GALNT17: variants seen among roughly 807,000 people sequenced by gnomAD.
The protein encoded by GALNT17 is UDP-GalNAc:polypeptide N-acetylgalactosaminyltransferase-like 3.
A neutral mutation model predicts 63.7 loss-of-function variants in GALNT17; 29 were observed. The ratio of observed to expected loss-of-function variants is 0.46; its 90% confidence interval spans 0.34 to 0.62. The LOEUF (loss-of-function observed/expected upper bound fraction) is 0.62. Ranked by LOEUF, GALNT17 falls within the 20% of genes least tolerant of loss-of-function variation. The pLI is 0.01. For missense variants in GALNT17, 603 were observed against 799.6 expected, an observed-to-expected ratio of 0.75 and a Z score of 2.97; for synonymous variants, 305 against 318.3, an observed-to-expected ratio of 0.96 and a Z score of 0.45.
Position 71,335,665 on chromosome 7 carries a change from T to C in GALNT17, c.354T>C (p.Tyr118=). ...EEKAKGPHEK[Y]GYNSYLSEKI... is the part of the protein sequence containing the mutation. ...AGGCTAAGGGACCCCATGAGAAGTA[T>C]GGCTACAATTCATACCTCAGTGAAA... Residue 118 remains tyrosine (Y), a synonymous_variant, in exon 2 of 11, where the codon TAT becomes TAC. Coordinates refer to ENST00000333538, the MANE Select transcript of GALNT17 (RefSeq NM_022479.3). 6.2e-7 allele frequency: 1 copy of C among 1,613,718 alleles called. No homozygotes were observed. Among genetic ancestry groups the C allele is most frequent in the Non-Finnish European group, 8.5e-7 (1 of 1,179,816 alleles).
intron 1 of GALNT17, among the ~76,000 whole-genome samples, chr7:71,290,101 C>T (rs1005208877): frequency 1.3e-5 from 2 of 152,128 alleles, no homozygotes; most frequent in African/African-American, 4.8e-5. Flanking sequence ...TTGAAGTGTA[C>T]GATTCTGTGG....
At chr7:71,298,388 A>AGG (rs1791122850) in intron 1 of GALNT17, among the ~76,000 whole-genome samples, 2 of 107,398 alleles carry the variant, frequency 1.9e-5, no homozygotes, top group South Asian at 6.0e-4. Flanking sequence ...AAACAATCAG[A>AGG]ACAGAAAATA....
In GALNT17 at chr7:71,527,224, G is replaced by T. The variant is rs139431919; in HGVS notation, c.963-44061G>T. On this transcript the variant is annotated intron_variant, in intron 5 of 10. Coordinates refer to ENST00000333538, the MANE Select transcript of GALNT17 (RefSeq NM_022479.3). ...ACCCATAAAATAATAAAAGAGAAAG[G>T]TCTACAGATAGTTCAGCATGATATA... Among the ~76,000 whole-genome samples the T allele has an allele frequency of 6.8e-3, 1,030 of 152,204 alleles. 11 individuals carry two copies. The highest frequency in any genetic ancestry group is 0.023 in the African/African-American group (946 of 41,524).
rs756739094 is a variant in GALNT17 at position 71,388,278 on chromosome 7, A to G, written c.466A>G (p.Ile156Val). ...CTCCAAGGACCTGCCCCAGATATCC[A>G]TCATATTCATCTTCGTGAACGAGGC... is the stretch of plus-strand genomic sequence containing the variant. ...KYSKDLPQIS[I>V]IFIFVNEALS... Residue 156 changes from isoleucine (I) to valine (V), a missense_variant, in exon 3 of 11, where the codon ATC (isoleucine) becomes GTC (valine). Ile to Val is a conservative substitution (Grantham distance 29). Around this residue, in one of 3 missense-constraint regions of GALNT17, gnomAD observed 195 missense variants for 215.0 expected, o/e 0.91. Coordinates refer to ENST00000333538, the MANE Select transcript of GALNT17 (RefSeq NM_022479.3). 8 of 1,613,974 alleles carry G rather than the reference A, an allele frequency of 5.0e-6. No homozygotes were observed. The East Asian group carries it at 6.7e-5, about 13-fold the overall frequency.
intron 1 of GALNT17, among the ~76,000 whole-genome samples, chr7:71,334,567 A>G (rs748439339): frequency 6.6e-5 from 10 of 152,214 alleles, no homozygotes; most frequent in Non-Finnish European, 1.2e-4. Context: ...TAGTTAAGTA[A>G]TAAAACCTCC....
chr7:71,330,793 C>T (rs1791794389), intron 1 of GALNT17, among the ~76,000 whole-genome samples: 1 of 152,152 alleles, frequency 6.6e-6, no homozygotes, highest in African/African-American at 2.4e-5. Context: ...AGAGGCCGTG[C>T]ATATAGAGCA....
At chr7:71,591,761 C>A (rs972150358) in intron 6 of GALNT17, among the ~76,000 whole-genome samples, 1 of 152,068 alleles carries the variant, frequency 6.6e-6, no homozygotes, top group African/African-American at 2.4e-5. Context: ...CTCCCAGATT[C>A]CAGCGATTCT....
At chr7:71,607,442 A>T (rs1366422216) in intron 6 of GALNT17, among the ~76,000 whole-genome samples, 2 of 152,246 alleles carry the variant, frequency 1.3e-5, no homozygotes, top group Non-Finnish European at 1.5e-5. Context: ...CTTGAAACAC[A>T]TAGAAAAGTT....
At chr7:71,339,404 G>A (rs1328771539) in intron 2 of GALNT17, among the ~76,000 whole-genome samples, 1 of 152,154 alleles carries the variant, frequency 6.6e-6, no homozygotes, top group African/African-American at 2.4e-5. Flanking sequence ...TGAAGATGGG[G>A]GGCCAGGCGT....
At position 71,693,883 on chromosome 7, in the gene GALNT17, C is replaced by T. The variant is rs548471890; in HGVS notation, c.1500+16577C>T. On this transcript the variant is annotated intron_variant, in intron 9 of 10. Transcript: ENST00000333538. ...TCTTTGTAAAGCTGGAGCAAGACCC[C>T]AGTTATTCAATGGTGGGTGAGGTCG... 2.0e-5 allele frequency among the ~76,000 whole-genome samples: 3 copies of T among 151,780 alleles called. No homozygotes were observed. In the East Asian group the frequency reaches 5.8e-4, roughly 29 times the overall value.
chr7:71,701,866 TATAC>T (rs1256901984), intron 9 of GALNT17, among the ~76,000 whole-genome samples: 1 of 93,780 alleles, frequency 1.1e-5, no homozygotes, highest in African/African-American at 4.0e-5. Context: ...CACATATATA[TATAC>T]ATATATATAT....
intron 1 of GALNT17, among the ~76,000 whole-genome samples, chr7:71,201,435 A>T (rs1405570465): frequency 6.6e-6 from 1 of 151,818 alleles, no homozygotes; most frequent in South Asian, 2.1e-4. Context: ...TGTTATACAC[A>T]TTCAAAACTC....
chr7:71,179,499 G>C (rs758201330), intron 1 of GALNT17, among the ~76,000 whole-genome samples: 2 of 152,160 alleles, frequency 1.3e-5, no homozygotes, highest in Non-Finnish European at 2.9e-5. Context: ...ACTGAGACCT[G>C]TCTCAAATTT....
At chr7:71,583,962 A>G (rs1307825147) in intron 6 of GALNT17, among the ~76,000 whole-genome samples, 1 of 74,224 alleles carries the variant, frequency 1.3e-5, no homozygotes, top group Non-Finnish European at 2.8e-5. Context: ...GTCTCTACTG[A>G]AAAAAAAAAA....
intron 2 of GALNT17, among the ~76,000 whole-genome samples, chr7:71,384,649 A>G (rs1792907780): frequency 6.6e-5 from 10 of 152,174 alleles, no homozygotes. Context: ...CACTTTGGAA[A>G]TGAATAGGAA....
At chr7:71,173,953 A>G (rs1255386233) in intron 1 of GALNT17, among the ~76,000 whole-genome samples, 1 of 152,048 alleles carries the variant, frequency 6.6e-6, no homozygotes, top group African/African-American at 2.4e-5. Flanking sequence ...ACTGAATGGG[A>G]GGTCAGGAGA....
In GALNT17 at chr7:71,615,693, G is replaced by A. The variant is rs1412308492; in HGVS notation, c.1080+44291G>A. Among the ~76,000 whole-genome samples, 4 of 152,132 alleles carry A rather than the reference G, an allele frequency of 2.6e-5. No homozygotes were observed. The South Asian group carries it at 6.2e-4, about 24-fold the overall frequency. On this transcript the variant is annotated intron_variant, in intron 6 of 10. Coordinates refer to ENST00000333538, the MANE Select transcript of GALNT17 (RefSeq NM_022479.3). ...GGATTTTACCATTTTGGCCAGGCTG[G>A]TCTCCAACTCCTGGCCTCAAATAAT...
rs142492836 is a variant in GALNT17 at position 71,160,005 on chromosome 7, G to A, written c.238+26965G>A. 6.7e-3 allele frequency among the ~76,000 whole-genome samples: 1,015 copies of A among 152,054 alleles called. 9 individuals carry two copies. Among genetic ancestry groups the A allele is most frequent in the African/African-American group, 0.023 (943 of 41,458 alleles). On this transcript the variant is annotated intron_variant, in intron 1 of 10. Coordinates refer to ENST00000333538, the MANE Select transcript of GALNT17 (RefSeq NM_022479.3). ...TCATCATGTTGGCCAGGCTGATCTCGAACTCCTGACCTCAGGTGATCTGCC... is the reference window on the plus strand; with the variant it reads ...TCATCATGTTGGCCAGGCTGATCTCAAACTCCTGACCTCAGGTGATCTGCC...
At chr7:71,236,137 C>T (rs897680542) in intron 1 of GALNT17, among the ~76,000 whole-genome samples, 5 of 151,618 alleles carry the variant, frequency 3.3e-5, no homozygotes, top group African/African-American at 9.7e-5. Flanking sequence ...GCTGAGATCG[C>T]GCCACTGCAC....
Sources: allele counts gnomAD v4.1 joint callset (sites outside exome capture counted in the v4.1 genomes callset), GRCh38; gene constraint gnomAD v4.1.1; regional missense constraint gnomAD v4.1.1; transcripts MANE v1.5; gene names NCBI Gene and HGNC (gene_info 2026-07-23, HGNC 2026-07-21).